The following RTKN2 variants were observed in gnomAD, a reference collection of about 807,000 sequenced individuals.
The protein encoded by RTKN2 is rhotekin-2.
RTKN2 carries 69 observed loss-of-function variants against 71.5 expected under a neutral mutation model. The ratio of observed to expected loss-of-function variants is 0.96; its 90% CI spans 0.79 to 1.18. RTKN2 has a LOEUF of 1.18. Among genes scored for constraint, RTKN2 ranks in the 50% most tolerant of loss-of-function variants. The pLI, the probability that RTKN2 is intolerant of heterozygous loss-of-function variation, is 0.00. For missense variants in RTKN2, 724 were observed against 719.7 expected (o/e 1.01, Z -0.07); for synonymous variants, 236 against 236.5 (o/e 1.00, Z 0.02).
chr10:62,191,854 T>C (rs1478561266), downstream of RTKN2, among the ~76,000 whole-genome samples: 1 of 151,944 alleles, frequency 6.6e-6, no homozygotes, highest in African/African-American at 2.4e-5. Context: ...GAAATGAAAA[T>C]AGGAGAGGGG....
In RTKN2 at chr10:62,197,210, C is replaced by T. The variant is rs1325733815; in HGVS notation, c.*698G>A. Reference sequence around the variant, plus strand: ...AAATTGAATGTAAAGAGCATTTCATCTACCATTTCTCTAAACTAGTAAGTG... The same window carrying T: ...AAATTGAATGTAAAGAGCATTTCATTTACCATTTCTCTAAACTAGTAAGTG... On this transcript the variant is annotated 3_prime_UTR_variant, in exon 12 of 12. Coordinates refer to ENST00000373789, the MANE Select transcript of RTKN2 (RefSeq NM_145307.4). 2.0e-6 allele frequency: 2 copies of T among 985,258 alleles called. No homozygotes were observed. The highest frequency in any genetic ancestry group is 3.5e-5 in the African/African-American group (2 of 57,216). The allele number at this position is 985,258 out of a possible 1,614,324, so 61.0% of individuals were successfully genotyped here. A position where few individuals can be genotyped will look rare whatever the true frequency, so the allele number is the denominator to read the frequency against.
At chr10:62,200,159 T>G (rs1489226838) in intron 10 of RTKN2, among the ~76,000 whole-genome samples, 1 of 151,374 alleles carries the variant, frequency 6.6e-6, no homozygotes, top group Non-Finnish European at 1.5e-5. Flanking sequence ...AGGTCAGGAG[T>G]CTTGACCAGC....
At chr10:62,184,729 T>C (rs1470364396) in intron 8 of RTKN2, among the ~76,000 whole-genome samples, 2 of 152,230 alleles carry the variant, frequency 1.3e-5, no homozygotes, top group Non-Finnish European at 2.9e-5. Context: ...ACTGCAGTTA[T>C]GAAATTATAT....
intron 6 of RTKN2, among the ~76,000 whole-genome samples, chr10:62,227,517 G>A (rs951425283): frequency 1.3e-5 from 2 of 152,142 alleles, no homozygotes; most frequent in Admixed American, 1.3e-4. Flanking sequence ...TAGTGAGGGA[G>A]GCAGAGTGAT....
intron 1 of RTKN2, among the ~76,000 whole-genome samples, chr10:62,265,944 C>A (rs1364572813): frequency 6.6e-6 from 1 of 152,180 alleles, no homozygotes; most frequent in Non-Finnish European, 1.5e-5. Context: ...AGAGTCAAGG[C>A]TGATTAGGAC....
chr10:62,244,777 G>A (rs1405249898), intron 3 of RTKN2, among the ~76,000 whole-genome samples: 2 of 152,022 alleles, frequency 1.3e-5, no homozygotes, highest in Non-Finnish European at 2.9e-5. Flanking sequence ...TATAAAACAA[G>A]CAACAAATTT....
At position 62,195,587 on chromosome 10, in the gene RTKN2, G is replaced by A; in HGVS notation, c.*2321C>T. 1 of 645,068 alleles carries A rather than the reference G, an allele frequency of 1.6e-6. No individual in the cohort carries two copies. The highest frequency in any genetic ancestry group is 6.8e-5 in the South Asian group (1 of 14,808). The allele number at this position is 645,068 out of a possible 1,614,324, so 40.0% of individuals were successfully genotyped here. On this transcript the variant is annotated 3_prime_UTR_variant, in exon 12 of 12. Transcript: ENST00000373789. ...GGAAGGAAGGAGGGAAGGAGGGAAG[G>A]AGAGACGGACAGAGGGAATGAAGGA...
At chr10:62,224,068 T>C (rs1392310204) in intron 6 of RTKN2, among the ~76,000 whole-genome samples, 4 of 152,032 alleles carry the variant, frequency 2.6e-5, no homozygotes, top group African/African-American at 7.3e-5. Flanking sequence ...CTTGAAGACA[T>C]TATGCTAAGT....
intron 8 of RTKN2, among the ~76,000 whole-genome samples, chr10:62,186,456 C>T (rs1841138140): frequency 6.7e-6 from 1 of 149,702 alleles, no homozygotes; most frequent in African/African-American, 2.5e-5. Flanking sequence ...AGACAGAACG[C>T]AGTAGCGGAA....
chr10:62,197,075 G>T lies in RTKN2; in HGVS notation c.*833C>A. The T allele has an allele frequency of 2.0e-6, 2 of 978,014 alleles. No homozygotes were observed. The highest frequency in any genetic ancestry group is 2.4e-6 in the Non-Finnish European group (2 of 823,268). 60.6% of individuals were successfully genotyped at this position (978,014 alleles called of 1,614,324 possible). A position where few individuals can be genotyped will look rare whatever the true frequency, so the allele number is the denominator to read the frequency against. On this transcript the variant is annotated 3_prime_UTR_variant, in exon 12 of 12. Transcript: ENST00000373789. ...CATGGCCAACTTTTCTGATATTTTT[G>T]AATCTCTCATCTTCTTTTTAAATAA...
At chr10:62,232,997 CAATG>C (rs1260231926) in intron 6 of RTKN2, among the ~76,000 whole-genome samples, 1 of 152,116 alleles carries the variant, frequency 6.6e-6, no homozygotes, top group Non-Finnish European at 1.5e-5. Flanking sequence ...CATGGACAAA[CAATG>C]AAGTTTTAAA....
chr10:62,261,398 C>A (rs976315042), intron 2 of RTKN2, among the ~76,000 whole-genome samples: 2 of 152,042 alleles, frequency 1.3e-5, no homozygotes, highest in African/African-American at 4.8e-5. Context: ...TCCCAGCGCT[C>A]TGGGAGGCCG....
downstream of RTKN2, among the ~76,000 whole-genome samples, chr10:62,188,892 C>G (rs990049051): frequency 5.3e-5 from 8 of 151,818 alleles, no homozygotes; most frequent in African/African-American, 1.9e-4. Flanking sequence ...GGACTACAGG[C>G]GCTTGCCACC....
chr10:62,239,798 A>C (rs569207114), intron 4 of RTKN2, 33 bp from the exon 5 acceptor site: 3 of 977,334 alleles, frequency 3.1e-6, no homozygotes, highest in African/African-American at 1.6e-5. Flanking sequence ...TTAAGCAACA[A>C]TCCATGTAAT....
chr10:62,194,682 T>G lies in RTKN2; in HGVS notation c.*3226A>C. ...ACCAAACTGCCCTATAATTTCATTTTGGACTGAATTAATTAACTTCTCAGT... is the reference window on the plus strand; with the variant it reads ...ACCAAACTGCCCTATAATTTCATTTGGGACTGAATTAATTAACTTCTCAGT... On this transcript the variant is annotated 3_prime_UTR_variant, in exon 12 of 12. Transcript: ENST00000373789. 1 of 985,448 alleles carries G rather than the reference T, an allele frequency of 1.0e-6. No individual in the cohort carries two copies. Among genetic ancestry groups the G allele is most frequent in the African/African-American group, 1.7e-5 (1 of 57,370 alleles). The allele number at this position is 985,448 out of a possible 1,614,324, so 61.0% of individuals were successfully genotyped here. A position where few individuals can be genotyped will look rare whatever the true frequency, so the allele number is the denominator to read the frequency against.
intron 8 of RTKN2, among the ~76,000 whole-genome samples, chr10:62,187,773 T>G (rs1479502438): frequency 6.6e-6 from 1 of 152,220 alleles, no homozygotes; most frequent in African/African-American, 2.4e-5. Flanking sequence ...AGGCTGCTTT[T>G]CTTCTTCTAG....
At chr10:62,236,939 G>GA (rs1231280959) in intron 5 of RTKN2, among the ~76,000 whole-genome samples, 8 of 151,280 alleles carry the variant, frequency 5.3e-5, no homozygotes, top group East Asian at 1.9e-4. Flanking sequence ...TAGAAATAGA[G>GA]AAAAAAACAG....
At chr10:62,198,583 A>G in intron 11 of RTKN2, 140 bp from the exon 12 acceptor site, 1 of 619,430 alleles carries the variant, frequency 1.6e-6, no homozygotes, top group Middle Eastern at 4.5e-4. Flanking sequence ...CACTTGTAAA[A>G]ATAACCACAC....
At position 62,196,327 on chromosome 10, in the gene RTKN2, G is replaced by A. The variant is rs1414122123; in HGVS notation, c.*1581C>T. On this transcript the variant is annotated 3_prime_UTR_variant, in exon 12 of 12. Coordinates refer to ENST00000373789, the MANE Select transcript of RTKN2 (RefSeq NM_145307.4). Reference sequence around the variant, plus strand: ...TGTGATGATCTCTACATGCTATCAAGCAGGCATATAGTACTTTCTTCTCAC... The same window carrying A: ...TGTGATGATCTCTACATGCTATCAAACAGGCATATAGTACTTTCTTCTCAC... 2 of 983,702 alleles carry A rather than the reference G, an allele frequency of 2.0e-6. No homozygotes were observed. Among genetic ancestry groups the A allele is most frequent in the Non-Finnish European group, 2.4e-6 (2 of 828,544 alleles). 60.9% of individuals were successfully genotyped at this position (983,702 alleles called of 1,614,324 possible).
Sources: allele counts gnomAD v4.1 joint callset (sites outside exome capture counted in the v4.1 genomes callset), GRCh38; gene constraint gnomAD v4.1.1; transcripts MANE v1.5; gene names NCBI Gene and HGNC (gene_info 2026-07-23, HGNC 2026-07-21).